OR56A3: variants seen among roughly 807,000 people sequenced by gnomAD.
OR56A3 encodes olfactory receptor family 56 subfamily A member 3.
A neutral mutation model predicts 17.5 loss-of-function variants in OR56A3; 23 were observed. The ratio of observed to expected loss-of-function variants is 1.32; its 90% CI spans 0.95 to 1.87. The LOEUF is 1.87. OR56A3 is among the 40% of genes most tolerant of loss of function. OR56A3 has a pLI of 0.00. For missense variants in OR56A3, 366 were observed against 380.1 expected (o/e 0.96, Z 0.31); for synonymous variants, 175 against 150.6 (o/e 1.16, Z -1.19).
chr11:6,019,366 G>A, the OR56A3 span: 7 of 152,108 alleles, frequency 4.6e-5, no homozygotes, highest in African/African-American at 1.2e-4. Flanking sequence ...ATGGTTCAAC[G>A]CATGCAAATC....
chr11:6,019,205 A>G, the OR56A3 span: 1 of 113,464 alleles, frequency 8.8e-6, no homozygotes, highest in Non-Finnish European at 1.8e-5. Flanking sequence ...ACCAAAAACA[A>G]CAACACGACA....
the OR56A3 span, among the ~76,000 whole-genome samples, chr11:6,013,094 T>TGCATCTGTG: frequency 2.0e-5 from 3 of 152,220 alleles, no homozygotes; most frequent in African/African-American, 7.2e-5. Flanking sequence ...GGTGTGGGAC[T>TGCATCTGTG]CCTGCCCAAG....
At chr11:5,960,160 T>C in the OR56A3 span, among the ~76,000 whole-genome samples, 1 of 152,132 alleles carries the variant, frequency 6.6e-6, no homozygotes, top group Non-Finnish European at 1.5e-5. Flanking sequence ...TCTTTTGGGG[T>C]TCCATATGAA....
At chr11:5,962,536 T>C in the OR56A3 span, among the ~76,000 whole-genome samples, 3,125 of 149,344 alleles carry the variant, frequency 0.021, 103 homozygotes, top group African/African-American at 0.069. Flanking sequence ...CTTTTCTTTT[T>C]TTTTTTTTTT....
the OR56A3 span, among the ~76,000 whole-genome samples, chr11:5,960,240 C>G: frequency 1.3e-5 from 2 of 151,748 alleles, no homozygotes; most frequent in Admixed American, 1.3e-4. Flanking sequence ...CTCTCCCCCT[C>G]CCCCTCCCTC....
At chr11:6,014,750 G>A in the OR56A3 span, among the ~76,000 whole-genome samples, 29 of 152,176 alleles carry the variant, frequency 1.9e-4, no homozygotes, top group South Asian at 8.3e-4. Flanking sequence ...GCAAAATGCT[G>A]AAAGTACTAT....
the OR56A3 span, among the ~76,000 whole-genome samples, chr11:5,995,557 T>C: frequency 6.6e-6 from 1 of 152,244 alleles, no homozygotes; most frequent in East Asian, 1.9e-4. Context: ...TTCATTGTCT[T>C]TTTCAATACT....
At chr11:5,969,235 A>G in the OR56A3 span, among the ~76,000 whole-genome samples, 1 of 152,324 alleles carries the variant, frequency 6.6e-6, no homozygotes, top group East Asian at 1.9e-4. Context: ...TATAACCACT[A>G]ACCTAAAATG....
chr11:5,977,305 G>A, the OR56A3 span, among the ~76,000 whole-genome samples: 1 of 152,154 alleles, frequency 6.6e-6, no homozygotes, highest in Admixed American at 6.6e-5. Context: ...TTTCCATAGT[G>A]GCTGAACTAA....
At chr11:5,961,246 G>A in the OR56A3 span, among the ~76,000 whole-genome samples, 2,036 of 152,352 alleles carry the variant, frequency 0.013, 51 homozygotes, top group African/African-American at 0.047. Context: ...CCCCATCTGG[G>A]AGGTGTACCC....
Position 5,947,574 on chromosome 11 carries a change from G to A in OR56A3, c.228G>A (p.Val76=). 1 of 1,614,148 alleles carries A rather than the reference G, an allele frequency of 6.2e-7. No individual in the cohort carries two copies. The change falls in exon 3 of 3, where the codon GTG becomes GTA. Residue 76 remains valine (V), a synonymous_variant. Transcript: ENST00000641160. ...GCCTCCTCTCCCTGCTGGACATCGT[G>A]CTCTGCCTCACTGTCATCCCCAAGG... ...LLSLLSLLDI[V]LCLTVIPKVL...
chr11:5,963,152 A>G, the OR56A3 span, among the ~76,000 whole-genome samples: 5 of 151,754 alleles, frequency 3.3e-5, no homozygotes, highest in African/African-American at 9.7e-5. Context: ...TTGATCTTTT[A>G]TATATTTTTC....
chr11:5,984,742 G>A, the OR56A3 span, among the ~76,000 whole-genome samples: 2 of 152,230 alleles, frequency 1.3e-5, no homozygotes, highest in East Asian at 3.9e-4. Context: ...CAGAGTACTA[G>A]TTATTATGAG....
At chr11:5,980,206 T>G in the OR56A3 span, among the ~76,000 whole-genome samples, 1 of 152,176 alleles carries the variant, frequency 6.6e-6, no homozygotes, top group Non-Finnish European at 1.5e-5. Flanking sequence ...TAGGTCCATT[T>G]ATTCAAGTGT....
chr11:6,007,083 C>G, the OR56A3 span: 1 of 152,190 alleles, frequency 6.6e-6, no homozygotes, highest in Non-Finnish European at 1.5e-5. Context: ...GTCCATGTCC[C>G]AGGAGAGTAT....
At chr11:6,021,744 A>G in the OR56A3 span, 13 of 152,118 alleles carry the variant, frequency 8.5e-5, no homozygotes, top group African/African-American at 2.9e-4. Context: ...AACAATAAAA[A>G]GCAATGATCA....
chr11:5,998,842 T>G, the OR56A3 span, among the ~76,000 whole-genome samples: 1 of 152,242 alleles, frequency 6.6e-6, no homozygotes, highest in Admixed American at 6.5e-5. Flanking sequence ...CCAAGACAGC[T>G]GCTTGGACAT....
At chr11:5,963,885 T>G in the OR56A3 span, among the ~76,000 whole-genome samples, 1 of 152,288 alleles carries the variant, frequency 6.6e-6, no homozygotes. Context: ...AAGCTTTCTT[T>G]ATTCTTTTTA....
At chr11:5,987,589 A>G in the OR56A3 span, among the ~76,000 whole-genome samples, 61 of 152,098 alleles carry the variant, frequency 4.0e-4, no homozygotes, top group African/African-American at 1.3e-3. Context: ...TAATTCACCT[A>G]TTTTTCCCAA....
Sources: allele counts gnomAD v4.1 joint callset (sites outside exome capture counted in the v4.1 genomes callset), GRCh38; gene constraint gnomAD v4.1.1; transcripts MANE v1.5; gene names NCBI Gene and HGNC (gene_info 2026-07-23, HGNC 2026-07-21).